Variants in DPYD observed in about 807,000 individuals in gnomAD.
The protein encoded by DPYD is dihydropyrimidine dehydrogenase [NADP(+)].
A neutral mutation model predicts 116.2 loss-of-function variants in DPYD; 109 were observed. That is an observed-to-expected ratio of 0.94 (90% CI 0.80 to 1.10). The LOEUF (loss-of-function observed/expected upper bound fraction) is 1.10, where lower values mean the gene tolerates loss of function less well. DPYD is among the 50% of genes least tolerant of loss of function. The pLI, the probability that DPYD is intolerant of heterozygous loss-of-function variation, is 0.00. For missense variants in DPYD, 1,302 were observed against 1,254.5 expected, an observed-to-expected ratio of 1.04 and a Z score of -0.57; for synonymous variants, 440 against 432.0, an observed-to-expected ratio of 1.02 and a Z score of -0.23.
chr1:97,299,411 G>C (rs1666731438), intron 18 of DPYD, among the ~76,000 whole-genome samples: 1 of 152,054 alleles, frequency 6.6e-6, no homozygotes, highest in African/African-American at 2.4e-5. Context: ...AACTGGAACA[G>C]ACATTAATTT....
intron 18 of DPYD, among the ~76,000 whole-genome samples, chr1:97,269,969 G>A (rs1371067931): frequency 6.6e-6 from 1 of 152,102 alleles, no homozygotes; most frequent in Non-Finnish European, 1.5e-5. Context: ...CCTCTGAAAA[G>A]CATATGAGAT....
chr1:97,223,388 A>AACACACACACACAC (rs67855545), intron 19 of DPYD, among the ~76,000 whole-genome samples: 2 of 148,320 alleles, frequency 1.3e-5, no homozygotes, highest in Non-Finnish European at 3.0e-5. Flanking sequence ...GATAGAATTA[A>AACACACACACACAC]ACACACACAC....
At chr1:97,524,873 T>C (rs994079749) in intron 12 of DPYD, among the ~76,000 whole-genome samples, 34 of 152,198 alleles carry the variant, frequency 2.2e-4, no homozygotes, top group Middle Eastern at 3.2e-3. Context: ...CTTATTACAC[T>C]TGAATATTTA....
chr1:97,197,005 T>C (rs1442403272), intron 19 of DPYD, among the ~76,000 whole-genome samples: 2 of 152,202 alleles, frequency 1.3e-5, no homozygotes, highest in African/African-American at 2.4e-5. Flanking sequence ...GTAAGAATAG[T>C]AACAAGCCAA....
At chr1:97,777,416 A>G (rs1005680693) in intron 3 of DPYD, among the ~76,000 whole-genome samples, 1 of 152,172 alleles carries the variant, frequency 6.6e-6, no homozygotes, top group Non-Finnish European at 1.5e-5. Flanking sequence ...AATCTACTGT[A>G]TGTTGCTTAC....
chr1:97,514,037 CA>C (rs1648017107), intron 13 of DPYD, among the ~76,000 whole-genome samples: 1 of 151,660 alleles, frequency 6.6e-6, no homozygotes, highest in Admixed American at 6.6e-5. Flanking sequence ...ATAGGGTTTC[CA>C]AAAAACCCCG....
At position 97,618,237 on chromosome 1, in the gene DPYD, C is replaced by G. The variant is rs1363666131; in HGVS notation, c.851-23071G>C. ...GGGACTAGTCTTCTTTCATTCCAAT[C>G]CTTTTCAATTATTTTTTAAGAAAAC... On this transcript the variant is annotated intron_variant, in intron 8 of 22. Transcript: ENST00000370192. Among the ~76,000 whole-genome samples, 3 of 152,016 alleles carry G rather than the reference C, an allele frequency of 2.0e-5. No homozygotes were observed. In the East Asian group the frequency reaches 5.8e-4, roughly 29 times the overall value.
chr1:97,745,634 G>A (rs1664506223), intron 3 of DPYD, among the ~76,000 whole-genome samples: 1 of 152,006 alleles, frequency 6.6e-6, no homozygotes, highest in South Asian at 2.1e-4. Flanking sequence ...ATTAAATGAA[G>A]GGACTTACAT....
chr1:97,235,316 G>A (rs1418953019), intron 18 of DPYD, among the ~76,000 whole-genome samples: 1 of 152,176 alleles, frequency 6.6e-6, no homozygotes, highest in Non-Finnish European at 1.5e-5. Context: ...ACAGTAATGT[G>A]TAAAAGATTG....
intron 12 of DPYD, chr1:97,545,764 T>C (rs1570936048): frequency 1.9e-6 from 3 of 1,554,546 alleles, no homozygotes; most frequent in African/African-American, 2.7e-5. Flanking sequence ...AACTTTGGCA[T>C]CCCTAGAAAA....
At chr1:97,215,333 T>G (rs941250127) in intron 19 of DPYD, among the ~76,000 whole-genome samples, 1 of 152,210 alleles carries the variant, frequency 6.6e-6, no homozygotes, top group South Asian at 2.1e-4. Flanking sequence ...ATGAATAAGG[T>G]GGAGTTCTCA....
chr1:97,609,675 T>C (rs1655813989), intron 8 of DPYD, among the ~76,000 whole-genome samples: 1 of 151,994 alleles, frequency 6.6e-6, no homozygotes, highest in Non-Finnish European at 1.5e-5. Flanking sequence ...ATACATCGTT[T>C]CTTCCATCAT....
chr1:97,414,761 C>T (rs75360017), intron 14 of DPYD, among the ~76,000 whole-genome samples: 125 of 152,288 alleles, frequency 8.2e-4, no homozygotes, highest in East Asian at 4.4e-3. Flanking sequence ...AGGGTCACAG[C>T]CTATATCTTA....
At chr1:97,575,483 A>G (rs1477452843) in intron 10 of DPYD, among the ~76,000 whole-genome samples, 1 of 152,188 alleles carries the variant, frequency 6.6e-6, no homozygotes, top group East Asian at 1.9e-4. Flanking sequence ...GATCTATACT[A>G]TACATTATTT....
intron 8 of DPYD, among the ~76,000 whole-genome samples, chr1:97,626,124 C>T (rs1656913223): frequency 6.6e-6 from 1 of 152,004 alleles, no homozygotes; most frequent in Non-Finnish European, 1.5e-5. Flanking sequence ...GCCTGAAATA[C>T]AGCATTAAAT....
At chr1:97,500,920 A>G (rs1679539478) in intron 13 of DPYD, among the ~76,000 whole-genome samples, 1 of 152,028 alleles carries the variant, frequency 6.6e-6, no homozygotes, top group South Asian at 2.1e-4. Flanking sequence ...CAAATTCCAC[A>G]AGACTGCTGT....
At chr1:97,337,924 G>A (rs183333921) in intron 16 of DPYD, among the ~76,000 whole-genome samples, 1 of 152,144 alleles carries the variant, frequency 6.6e-6, no homozygotes, top group South Asian at 2.1e-4. Context: ...TATTTCATGG[G>A]AAGTGAGTTG....
At chr1:97,322,763 T>C (rs1447818023) in intron 16 of DPYD, 1 of 151,976 alleles carries the variant, frequency 6.6e-6, no homozygotes, top group Non-Finnish European at 1.5e-5. Flanking sequence ...TTATTACAAC[T>C]ATACATGGAA....
chr1:97,347,274 T>C (rs1669906440), intron 16 of DPYD, among the ~76,000 whole-genome samples: 1 of 151,988 alleles, frequency 6.6e-6, no homozygotes, highest in South Asian at 2.1e-4. Flanking sequence ...ATATCTTTGA[T>C]CACTTTAAGG....
Sources: allele counts gnomAD v4.1 joint callset (sites outside exome capture counted in the v4.1 genomes callset), GRCh38; gene constraint gnomAD v4.1.1; transcripts MANE v1.5; gene names NCBI Gene and HGNC (gene_info 2026-07-23, HGNC 2026-07-21).